KDM5A: variants seen among roughly 807,000 people sequenced by gnomAD.
KDM5A encodes lysine demethylase 5A.
In KDM5A, 42 loss-of-function variants were observed where a neutral mutation model predicts 193.5. The observed-to-expected ratio is 0.22, with a 90% CI of 0.17 to 0.28. The LOEUF is 0.28. Among genes scored for constraint, KDM5A ranks in the 10% least tolerant of loss-of-function variants. The pLI is 1.00. For synonymous variants in KDM5A, 796 were observed against 718.1 expected, an observed-to-expected ratio of 1.11 and a Z score of -1.73; for missense variants, 1,692 against 2,055.1, an observed-to-expected ratio of 0.82 and a Z score of 3.42.
chr12:318,937 A>C (rs1943683020), intron 18 of KDM5A, among the ~76,000 whole-genome samples: 1 of 152,240 alleles, frequency 6.6e-6, no homozygotes, highest in Non-Finnish European at 1.5e-5. Flanking sequence ...GACAAACTGA[A>C]ACTAAATTGA....
intron 5 of KDM5A, 118 bp from the exon 6 acceptor site, chr12:356,655 T>C (rs570741417): frequency 1.4e-6 from 1 of 718,800 alleles, no homozygotes; most frequent in Admixed American, 2.1e-5. Context: ...TTGGATTTCT[T>C]TTCTGTAAAT....
chr12:334,186 T>C (rs1943896809), intron 11 of KDM5A, 55 bp downstream of exon 11: 7 of 1,459,698 alleles, frequency 4.8e-6, no homozygotes, highest in Non-Finnish European at 6.7e-6. Flanking sequence ...CTAGCATCAT[T>C]AATCCACTAG....
chr12:350,630 T>C lies in KDM5A; in HGVS notation c.1299A>G (p.Pro433=). 1 of 1,614,072 alleles carries C rather than the reference T, an allele frequency of 6.2e-7. No individual in the cohort carries two copies. The highest frequency in any genetic ancestry group is 8.5e-7 in the Non-Finnish European group (1 of 1,179,962). ...TTGGATAAATCTGCACCTCTTCTTC[T>C]GGCAGAATCTTTCTCCGCCCATCCT... ...PVKDGRRKIL[P]EEEEYALSGW... Residue 433 remains proline (P), a synonymous_variant, in exon 10 of 28, where the codon CCA becomes CCG. Coordinates refer to ENST00000399788, the MANE Select transcript of KDM5A (RefSeq NM_001042603.3).
chr12:332,003 G>T, intron 12 of KDM5A, 65 bp from the exon 13 acceptor site: 1 of 1,422,544 alleles, frequency 7.0e-7, no homozygotes, highest in Non-Finnish European at 9.8e-7. Context: ...GAGGAAGACA[G>T]ATTTTATTAG....
rs1011502626 is a variant in KDM5A at position 284,323 on chromosome 12, CTTTT to C, written c.*1129_*1132del. On this transcript the variant is annotated 3_prime_UTR_variant, in exon 28 of 28. Transcript: ENST00000399788. ...ATTTAGAAAAAAGTAAAAACAAGTC[CTTTT>C]TTTTTTTTAAAAATGGATTTACTAA... 4.9e-6 allele frequency: 1 copy of C among 203,684 alleles called. No individual in the cohort carries two copies. Among genetic ancestry groups the C allele is most frequent in the Non-Finnish European group, 9.9e-6 (1 of 101,410 alleles). 12.6% of individuals were successfully genotyped at this position (203,684 alleles called of 1,614,324 possible). A position where few individuals can be genotyped will look rare whatever the true frequency, so the allele number is the denominator to read the frequency against.
At position 328,885 on chromosome 12, in the gene KDM5A, T is replaced by G; in HGVS notation, c.1918A>C (p.Thr640Pro). 3 of 1,614,116 alleles carry G rather than the reference T, an allele frequency of 1.9e-6. No homozygotes were observed. The highest frequency in any genetic ancestry group is 2.5e-6 in the Non-Finnish European group (3 of 1,180,024). Residue 640 changes from threonine to proline, a missense_variant, in exon 14 of 28, where the codon ACT (threonine) becomes CCT (proline). Thr to Pro is a conservative substitution (Grantham distance 38). Around this residue, in one of 11 missense-constraint regions of KDM5A, gnomAD observed 88 missense variants for 124.6 expected, o/e 0.71. Coordinates refer to ENST00000399788, the MANE Select transcript of KDM5A (RefSeq NM_001042603.3). ...CGTGTTTCTTCTTCAGTCATGAGAG[T>G]CAATTCTTTGCAGACCATGGCAGCC... ...GLAAMVCKEL[T>P]LMTEEETRLR...
chr12:313,565 G>A (rs1943615535), intron 19 of KDM5A, among the ~76,000 whole-genome samples: 2 of 152,106 alleles, frequency 1.3e-5, no homozygotes, highest in Non-Finnish European at 2.9e-5. Flanking sequence ...TACTCTACTT[G>A]TCTACAGTAC....
chr12:347,432 C>G (rs1944092944), intron 10 of KDM5A, among the ~76,000 whole-genome samples: 2 of 151,974 alleles, frequency 1.3e-5, no homozygotes, highest in South Asian at 4.2e-4. Context: ...CATATGGAAC[C>G]AAAAAAGAGC....
At chr12:285,712 T>C in intron 27 of KDM5A, 50 bp from the exon 28 acceptor site, 7 of 1,542,998 alleles carry the variant, frequency 4.5e-6, no homozygotes, top group African/African-American at 1.4e-5. Flanking sequence ...ACATTAAGCC[T>C]AGAATAAAAG....
At chr12:385,621 T>TC (rs956572905) in intron 2 of KDM5A, among the ~76,000 whole-genome samples, 1 of 152,064 alleles carries the variant, frequency 6.6e-6, no homozygotes, top group Non-Finnish European at 1.5e-5. Flanking sequence ...TAACAAAAAT[T>TC]TTAGTAGAGT....
chr12:311,305 A>T (rs966856311), intron 20 of KDM5A: 1 of 509,924 alleles, frequency 2.0e-6, no homozygotes, highest in Non-Finnish European at 3.5e-6. Context: ...ACCAGTAGAT[A>T]TAACAACCAG....
chr12:353,284 C>T (rs536821725), intron 8 of KDM5A, among the ~76,000 whole-genome samples: 3 of 152,166 alleles, frequency 2.0e-5, no homozygotes, highest in Non-Finnish European at 2.9e-5. Flanking sequence ...GAGCTGAGAC[C>T]GCGCCACTGC....
In KDM5A at chr12:323,776, G is replaced by A. The variant is rs370583152; in HGVS notation, c.1974C>T (p.Val658=). The A allele has an allele frequency of 6.2e-6, 10 of 1,612,950 alleles. No individual in the cohort carries two copies. In the African/African-American group the frequency reaches 9.3e-5, roughly 15 times the overall value. The part of the protein sequence containing the change: ...RLRESVVQMG[V]LMSEEEVFEL... ...CAAACACTTCTTCTTCTGACATCAG[G>A]ACACCCTGAAATATAATTTATTTCA... Residue 658 remains valine, a synonymous_variant, in exon 15 of 28, where the codon GTC becomes GTT. Coordinates refer to ENST00000399788, the MANE Select transcript of KDM5A (RefSeq NM_001042603.3).
Position 307,033 on chromosome 12 carries a change from T to A in KDM5A, c.3987A>T (p.Ser1329=). Residue 1329 remains serine, a synonymous_variant, in exon 24 of 28, where the codon TCA becomes TCT. Coordinates refer to ENST00000399788, the MANE Select transcript of KDM5A (RefSeq NM_001042603.3). The surrounding 1 kb of genome is among the most constrained non-coding windows in gnomAD (Gnocchi z 4.3). ...AGTCCATTGTTTGTCGAGGAGAAGATGACACACTGCTCACCACCCGGTTAA... is the reference window on the plus strand; with the variant it reads ...AGTCCATTGTTTGTCGAGGAGAAGAAGACACACTGCTCACCACCCGGTTAA... ...SAFNRVVSSV[S]SSPRQTMDYD... is the part of the protein sequence containing the mutation. The A allele has an allele frequency of 6.2e-7, 1 of 1,614,122 alleles. No individual in the cohort carries two copies. The highest frequency in any genetic ancestry group is 8.5e-7 in the Non-Finnish European group (1 of 1,179,994).
chr12:352,181 C>A (rs774146939), intron 9 of KDM5A, 24 bp downstream of exon 9: 4 of 1,603,546 alleles, frequency 2.5e-6, no homozygotes, highest in Non-Finnish European at 3.4e-6. Flanking sequence ...CTCCCCGGAC[C>A]GACCTAAAAG....
chr12:354,990 C>T (rs1025583521), intron 7 of KDM5A, among the ~76,000 whole-genome samples, 168 bp downstream of exon 7: 1 of 152,146 alleles, frequency 6.6e-6, no homozygotes, highest in Non-Finnish European at 1.5e-5. Context: ...GTATGTAGGA[C>T]AGAGCCAGGT....
chr12:315,357 T>C (rs2137400004), intron 19 of KDM5A, among the ~76,000 whole-genome samples: 1 of 152,248 alleles, frequency 6.6e-6, no homozygotes, highest in African/African-American at 2.4e-5. Flanking sequence ...GCAGATTGCT[T>C]GAGGTCAGGA....
chr12:334,930 AATT>A (rs1431423021), intron 10 of KDM5A, among the ~76,000 whole-genome samples: 2 of 152,102 alleles, frequency 1.3e-5, no homozygotes, highest in East Asian at 1.9e-4. Flanking sequence ...ATACCGGATA[AATT>A]ATAACAATAA....
chr12:373,668 T>C (rs1490031639), intron 3 of KDM5A, among the ~76,000 whole-genome samples: 4 of 152,228 alleles, frequency 2.6e-5, no homozygotes, highest in African/African-American at 4.8e-5. Flanking sequence ...TTAATTGTGA[T>C]GTTAGGGTGT....
Sources: gnomAD v4.1 joint callset for allele counts (sites outside exome capture counted in the v4.1 genomes callset) on GRCh38, gnomAD v4.1.1 for gene constraint, gnomAD v4.1.1 regional missense constraint, Gnocchi (gnomAD v3.1) non-coding constraint, MANE v1.5 for transcripts, NCBI Gene and HGNC (gene_info 2026-07-23, HGNC 2026-07-21) for gene names.